The following POTEE variants were observed in gnomAD, a reference collection of about 807,000 sequenced individuals.
The protein encoded by POTEE is ANKRD26-like family C member 1A.
POTEE carries 21 observed loss-of-function variants against 74.2 expected under a neutral mutation model. The ratio of observed to expected loss-of-function variants is 0.28; its 90% CI spans 0.20 to 0.41. The LOEUF is 0.41. Ranked by LOEUF, POTEE falls within the 10% of genes least tolerant of loss-of-function variation. The probability of loss-of-function intolerance (pLI) is 1.00; values close to 1 mark genes in which losing one functional copy is unlikely to be tolerated. For missense variants in POTEE, 525 were observed against 1,158.6 expected, an observed-to-expected ratio of 0.45 and a Z score of 7.94; for synonymous variants, 211 against 432.8, an observed-to-expected ratio of 0.49 and a Z score of 6.36.
At chr2:131,222,793 ATTTG>A (rs1229523743) in intron 4 of POTEE, among the ~76,000 whole-genome samples, 1 of 151,968 alleles carries the variant, frequency 6.6e-6, no homozygotes, top group Non-Finnish European at 1.5e-5. Context: ...TATTTTAGAA[ATTTG>A]TTTTTGTTTT....
chr2:131,212,257 T>C (rs1375372296), intron 2 of POTEE, among the ~76,000 whole-genome samples: 7 of 151,946 alleles, frequency 4.6e-5, no homozygotes, highest in African/African-American at 7.3e-5. Flanking sequence ...TAGTGTTCCA[T>C]TATTGGAATG....
chr2:131,238,093 T>G, intron 10 of POTEE, 101 bp from the exon 11 acceptor site: 1 of 1,303,086 alleles, frequency 7.7e-7, no homozygotes, highest in Non-Finnish European at 1.1e-6. Flanking sequence ...TGTCCATACT[T>G]GATTAGTTAA....
chr2:131,232,246 TATTG>T lies in POTEE; in HGVS notation c.1126+1344_1126+1347del, dbSNP rs1235863429. Among the ~76,000 whole-genome samples, 7 of 112,424 alleles carry T rather than the reference TATTG, an allele frequency of 6.2e-5. No individual in the cohort carries two copies. In the Admixed American group the frequency reaches 7.4e-4, roughly 12 times the overall value. 73.8% of individuals were successfully genotyped at this position (112,424 alleles called of 152,430 possible). ...AAGCTTATAATTATGATTTATTATA[TATTG>T]ATTATGTGCCAGACATATGTGATGA... On this transcript the variant is annotated intron_variant, in intron 9 of 17. Transcript: ENST00000683005.
intron 2 of POTEE, among the ~76,000 whole-genome samples, chr2:131,214,486 A>T (rs1358298253): frequency 6.6e-6 from 1 of 152,380 alleles, no homozygotes; most frequent in African/African-American, 2.4e-5. Flanking sequence ...AAGTTGTGTT[A>T]TGGTTCATAA....
At chr2:131,209,853 G>A (rs1700318068) in intron 1 of POTEE, among the ~76,000 whole-genome samples, 34 bp downstream of exon 1, 1 of 151,812 alleles carries the variant, frequency 6.6e-6, no homozygotes, top group South Asian at 2.1e-4. Context: ...CCCGCCTGTG[G>A]GGGCAGGGGT....
chr2:131,258,616 A>G (rs2105133895), intron 16 of POTEE, among the ~76,000 whole-genome samples: 1 of 152,146 alleles, frequency 6.6e-6, no homozygotes, highest in Admixed American at 6.5e-5. Context: ...CTGCTGGCAA[A>G]TCTAGCTTTT....
At chr2:131,228,083 G>A (rs1372228840) in intron 7 of POTEE, among the ~76,000 whole-genome samples, 161 bp from the exon 8 acceptor site, 1 of 151,210 alleles carries the variant, frequency 6.6e-6, no homozygotes, top group Admixed American at 6.6e-5. Context: ...AACCTTGGTG[G>A]CATTTTACAA....
chr2:131,214,804 GT>G (rs1334030635), intron 2 of POTEE, among the ~76,000 whole-genome samples: 2 of 152,046 alleles, frequency 1.3e-5, no homozygotes, highest in African/African-American at 4.8e-5. Context: ...TTGGAAAATA[GT>G]TTTGTTTACC....
Position 131,230,922 on chromosome 2 carries a change from G to C in POTEE, c.1126+16G>C. On this transcript the variant is annotated intron_variant, in intron 9 of 17. Coordinates refer to ENST00000683005, the MANE Select transcript of POTEE (RefSeq NM_001083538.3). ...AGCAATCCAGGTAAGACTTGTGATA[G>C]TGAATTACTTTAGTCAGTTGTCCCC... 1.9e-6 allele frequency: 3 copies of C among 1,555,878 alleles called. No individual in the cohort carries two copies. The highest frequency in any genetic ancestry group is 2.6e-6 in the Non-Finnish European group (3 of 1,151,066).
At chr2:131,220,118 A>G (rs1573699305) in intron 4 of POTEE, among the ~76,000 whole-genome samples, 1 of 152,132 alleles carries the variant, frequency 6.6e-6, no homozygotes, top group African/African-American at 2.4e-5. Flanking sequence ...AAATAAGAGT[A>G]TAGATTAAAA....
At position 131,263,897 on chromosome 2, in the gene POTEE, C is replaced by G; in HGVS notation, c.2442C>G (p.Ala814=). The G allele has an allele frequency of 6.2e-7, 1 of 1,614,176 alleles. No homozygotes were observed. Among genetic ancestry groups the G allele is most frequent in the Non-Finnish European group, 8.5e-7 (1 of 1,180,022 alleles). ...LLTEAPLNPK[A]NREKMTQIMF... The stretch of plus-strand genomic sequence containing the variant: ...CCGAGGCCCCCCTGAACCCCAAGGC[C>G]AACCGCGAGAAGATGACCCAGATCA... Residue 814 remains alanine, a synonymous_variant, in exon 18 of 18, where the codon GCC becomes GCG. Transcript: ENST00000683005.
intron 2 of POTEE, among the ~76,000 whole-genome samples, chr2:131,216,023 T>C (rs1700435759): frequency 6.6e-6 from 1 of 152,100 alleles, no homozygotes; most frequent in African/African-American, 2.4e-5. Context: ...AAAATTAACA[T>C]TGGTTTCCAT....
chr2:131,211,048 C>T lies in POTEE; in HGVS notation c.-324C>T, dbSNP rs1352370533. Among the ~76,000 whole-genome samples the T allele has an allele frequency of 1.3e-5, 2 of 150,678 alleles. No individual in the cohort carries two copies. Among genetic ancestry groups the T allele is most frequent in the Non-Finnish European group, 2.9e-5 (2 of 68,036 alleles). On this transcript the variant is annotated 5_prime_UTR_variant, in exon 2 of 18. Coordinates refer to ENST00000683005, the MANE Select transcript of POTEE (RefSeq NM_001083538.3). ...TCTAGGCTTTTCTGGCTTTGCCGGT[C>T]TAGCTGCTCCAAGCCAGGCTGGAGG...
chr2:131,215,073 CCCAA>C (rs1222409241), intron 2 of POTEE, among the ~76,000 whole-genome samples: 1 of 149,526 alleles, frequency 6.7e-6, no homozygotes, highest in Non-Finnish European at 1.5e-5. Context: ...GCTGACTTGA[CCCAA>C]CCATTAGTGA....
intron 16 of POTEE, among the ~76,000 whole-genome samples, chr2:131,253,440 G>GT (rs1701496537): frequency 1.6e-5 from 1 of 60,808 alleles, no homozygotes; most frequent in African/African-American, 5.2e-5. Context: ...CAGCCACATA[G>GT]TAAACAAAAT....
chr2:131,225,121 A>G (rs1232684558), intron 6 of POTEE, among the ~76,000 whole-genome samples: 2 of 152,218 alleles, frequency 1.3e-5, no homozygotes, highest in Non-Finnish European at 2.9e-5. Context: ...TGTCTGTTGC[A>G]CTAGCTTTCA....
chr2:131,219,742 A>C (rs936843000), intron 4 of POTEE, among the ~76,000 whole-genome samples: 15 of 152,064 alleles, frequency 9.9e-5, no homozygotes, highest in African/African-American at 3.6e-4. Flanking sequence ...CTTTCAAAAA[A>C]AAAAAAAAAA....
At position 131,218,605 on chromosome 2, in the gene POTEE, G is replaced by A; in HGVS notation, c.203G>A (p.Cys68Tyr). 1.2e-6 allele frequency: 2 copies of A among 1,611,958 alleles called. No individual in the cohort carries two copies. Among genetic ancestry groups the A allele is most frequent in the Non-Finnish European group, 1.7e-6 (2 of 1,179,568 alleles). ...AAGATGGGCAAGTGGTGCCACCACTGCTTCCCCTGCTGCAGGGGGAGTGGC... is the reference window on the plus strand; with the variant it reads ...AAGATGGGCAAGTGGTGCCACCACTACTTCCCCTGCTGCAGGGGGAGTGGC... ...RSKMGKWCHH[C>Y]FPCCRGSGKS... The change falls in exon 4 of 18, where the codon TGC (cysteine) becomes TAC (tyrosine). Residue 68 changes from cysteine (C) to tyrosine (Y), a missense_variant. Cys to Tyr is a radical substitution (Grantham distance 194, BLOSUM62 -2). Coordinates refer to ENST00000683005, the MANE Select transcript of POTEE (RefSeq NM_001083538.3).
chr2:131,248,597 C>CT (rs1246433274), intron 13 of POTEE, among the ~76,000 whole-genome samples: 3 of 148,024 alleles, frequency 2.0e-5, no homozygotes, highest in African/African-American at 7.4e-5. Context: ...TAGTTTGACT[C>CT]TAAGTAATAA....
Sources: allele counts gnomAD v4.1 joint callset (sites outside exome capture counted in the v4.1 genomes callset), GRCh38; gene constraint gnomAD v4.1.1; transcripts MANE v1.5; gene names NCBI Gene and HGNC (gene_info 2026-07-23, HGNC 2026-07-21).